FAM135B: variants seen among roughly 807,000 people sequenced by gnomAD.
The protein encoded by FAM135B is family with sequence similarity 135 member B.
FAM135B carries 43 observed loss-of-function variants against 127.7 expected under a neutral mutation model. The observed-to-expected ratio is 0.34, with a 90% CI of 0.26 to 0.43. The LOEUF is 0.43. Among genes scored for constraint, FAM135B ranks in the 20% least tolerant of loss-of-function variants. The probability of loss-of-function intolerance (pLI) is 1.00; values close to 1 mark genes in which losing one functional copy is unlikely to be tolerated. For missense variants in FAM135B, 1,558 were observed against 1,725.6 expected (o/e 0.90, Z 1.72); for synonymous variants, 670 against 665.1 (o/e 1.01, Z -0.11).
At chr8:138,471,298 T>C (rs1009322364) in intron 1 of FAM135B, among the ~76,000 whole-genome samples, 6 of 152,126 alleles carry the variant, frequency 3.9e-5, no homozygotes, top group African/African-American at 1.4e-4. Context: ...CAGGATCTCA[T>C]CTCCATTCTG....
At chr8:138,217,910 A>G (rs910021455) in intron 7 of FAM135B, among the ~76,000 whole-genome samples, 5 of 152,214 alleles carry the variant, frequency 3.3e-5, no homozygotes, top group Non-Finnish European at 2.9e-5. Context: ...GATGAAGACA[A>G]GATACTGGAG....
At chr8:138,258,916 G>A (rs988219898) in intron 4 of FAM135B, among the ~76,000 whole-genome samples, 4 of 151,660 alleles carry the variant, frequency 2.6e-5, no homozygotes, top group African/African-American at 7.3e-5. Flanking sequence ...TTTATCTCAC[G>A]ACCAGGAAGC....
intron 2 of FAM135B, among the ~76,000 whole-genome samples, chr8:138,318,222 T>A (rs1827220682): frequency 6.6e-6 from 1 of 152,180 alleles, no homozygotes; most frequent in African/African-American, 2.4e-5. Context: ...AGATGTTACT[T>A]TTAGTATTTC....
intron 7 of FAM135B, among the ~76,000 whole-genome samples, chr8:138,209,100 A>G (rs1817937933): frequency 6.6e-6 from 1 of 152,188 alleles, no homozygotes; most frequent in Non-Finnish European, 1.5e-5. Context: ...CCCATTTATC[A>G]TCATGATCCT....
intron 1 of FAM135B, among the ~76,000 whole-genome samples, chr8:138,376,895 A>G (rs538730107): frequency 8.5e-5 from 13 of 152,330 alleles, no homozygotes; most frequent in Admixed American, 2.0e-4. Flanking sequence ...TCTTAACTTT[A>G]GAGGTTCTGG....
chr8:138,196,390 CT>C (rs1816628927), intron 8 of FAM135B, among the ~76,000 whole-genome samples: 1 of 152,158 alleles, frequency 6.6e-6, no homozygotes, highest in Non-Finnish European at 1.5e-5. Flanking sequence ...GCTGACAAAG[CT>C]TATAGTAAGA....
chr8:138,339,765 C>T (rs1048213621), intron 2 of FAM135B, among the ~76,000 whole-genome samples: 2 of 152,170 alleles, frequency 1.3e-5, no homozygotes, highest in Non-Finnish European at 2.9e-5. Context: ...GGAAAGCCTC[C>T]CTCACTCACA....
chr8:138,404,804 T>C (rs1268798193), intron 1 of FAM135B, among the ~76,000 whole-genome samples: 1 of 152,180 alleles, frequency 6.6e-6, no homozygotes, highest in South Asian at 2.1e-4. Context: ...ATTGTAGTTA[T>C]CTTTCTACTT....
At chr8:138,458,511 C>T (rs1454386736) in intron 1 of FAM135B, among the ~76,000 whole-genome samples, 3 of 152,148 alleles carry the variant, frequency 2.0e-5, no homozygotes, top group African/African-American at 7.2e-5. Flanking sequence ...GAAAATATTT[C>T]CTGGATTTGG....
At position 138,483,936 on chromosome 8, in the gene FAM135B, G is replaced by A. The variant is rs139608852; in HGVS notation, c.-20+12735C>T. On this transcript the variant is annotated intron_variant, in intron 1 of 19. Transcript: ENST00000395297. ...CTGAATTTTGAATAAAAATATCTAG[G>A]GGGACACTGAATGAAGCCATACAAA... 4.6e-3 allele frequency among the ~76,000 whole-genome samples: 695 copies of A among 152,258 alleles called. 4 individuals are homozygous for A. Among genetic ancestry groups the A allele is most frequent in the African/African-American group, 0.016 (680 of 41,536 alleles).
At chr8:138,377,483 T>C (rs1298244857) in intron 1 of FAM135B, among the ~76,000 whole-genome samples, 1 of 152,154 alleles carries the variant, frequency 6.6e-6, no homozygotes, top group Non-Finnish European at 1.5e-5. Flanking sequence ...CCCCTGTCCA[T>C]GGTAGAAGGA....
rs375499602 is a variant in FAM135B at position 138,348,133 on chromosome 8, T to C, written c.77+19774A>G. Among the ~76,000 whole-genome samples, 54 of 96,156 alleles carry C rather than the reference T, an allele frequency of 5.6e-4. 2 individuals carry two copies. Among genetic ancestry groups the C allele is most frequent in the African/African-American group, 2.2e-3 (50 of 22,870 alleles). 63.1% of individuals were successfully genotyped at this position (96,156 alleles called of 152,430 possible). A position where few individuals can be genotyped will look rare whatever the true frequency, so the allele number is the denominator to read the frequency against. ...AGTTCTTCTTTTTCCTCCTCTTTTT[T>C]TTTTTTTTTTTTTTTTTTGAGAAGG... On this transcript the variant is annotated intron_variant, in intron 2 of 19. Transcript: ENST00000395297.
intron 6 of FAM135B, among the ~76,000 whole-genome samples, chr8:138,248,114 T>C (rs990718204): frequency 3.9e-5 from 6 of 152,216 alleles, no homozygotes; most frequent in African/African-American, 1.4e-4. Flanking sequence ...CTTTTACATG[T>C]GCTGTCTCAT....
At chr8:138,468,745 T>C (rs1837511062) in intron 1 of FAM135B, among the ~76,000 whole-genome samples, 1 of 152,072 alleles carries the variant, frequency 6.6e-6, no homozygotes, top group Non-Finnish European at 1.5e-5. Flanking sequence ...CTAATAAATA[T>C]ATTAATTGAA....
At chr8:138,273,911 C>G (rs1457599242) in intron 3 of FAM135B, among the ~76,000 whole-genome samples, 2 of 152,138 alleles carry the variant, frequency 1.3e-5, no homozygotes, top group African/African-American at 2.4e-5. Context: ...TCAAGGCTCT[C>G]TACGCCACCT....
intron 1 of FAM135B, among the ~76,000 whole-genome samples, chr8:138,443,159 C>A (rs1320925809): frequency 6.6e-6 from 1 of 152,104 alleles, no homozygotes; most frequent in African/African-American, 2.4e-5. Context: ...GATGCCAGGC[C>A]ATAAAAGCCT....
At chr8:138,428,045 C>G (rs1159544414) in intron 1 of FAM135B, among the ~76,000 whole-genome samples, 5 of 152,156 alleles carry the variant, frequency 3.3e-5, no homozygotes. Flanking sequence ...GCACCACGAT[C>G]ATAATAGGCT....
At chr8:138,218,939 A>G (rs1818803719) in intron 7 of FAM135B, among the ~76,000 whole-genome samples, 1 of 152,264 alleles carries the variant, frequency 6.6e-6, no homozygotes, top group Non-Finnish European at 1.5e-5. Context: ...AATAGAAAAT[A>G]AAACTATTTC....
chr8:138,182,969 C>T (rs1242124351), intron 9 of FAM135B, among the ~76,000 whole-genome samples: 2 of 152,186 alleles, frequency 1.3e-5, no homozygotes, highest in Admixed American at 6.5e-5. Flanking sequence ...CCCCTGCCTT[C>T]GTGCATGTCC....
Sources: allele counts gnomAD v4.1 joint callset (sites outside exome capture counted in the v4.1 genomes callset), GRCh38; gene constraint gnomAD v4.1.1; transcripts MANE v1.5; gene names NCBI Gene and HGNC (gene_info 2026-07-23, HGNC 2026-07-21).